MAN2A1: variants seen among roughly 807,000 people sequenced by gnomAD.
The protein encoded by MAN2A1 is mannosidase alpha class 2A member 1.
A neutral mutation model predicts 142.6 loss-of-function variants in MAN2A1; 76 were observed. That is an observed-to-expected ratio of 0.53 (90% CI 0.44 to 0.65). The LOEUF is 0.65. Among genes scored for constraint, MAN2A1 ranks in the 30% least tolerant of loss-of-function variants. The pLI is 0.00. For missense variants in MAN2A1, 1,311 were observed against 1,365.1 expected (o/e 0.96, Z 0.62); for synonymous variants, 559 against 473.2 (o/e 1.18, Z -2.35).
At chr5:109,693,090 T>C (rs1245788331) in intron 1 of MAN2A1, among the ~76,000 whole-genome samples, 1 of 152,062 alleles carries the variant, frequency 6.6e-6, no homozygotes, top group African/African-American at 2.4e-5. Context: ...AGCATGTTGC[T>C]CTCTGGTACC....
intron 15 of MAN2A1, among the ~76,000 whole-genome samples, chr5:109,822,323 G>A (rs1413171916): frequency 6.6e-6 from 1 of 151,944 alleles, no homozygotes; most frequent in Non-Finnish European, 1.5e-5. Flanking sequence ...TTGATTGACT[G>A]TATTTATACT....
intron 13 of MAN2A1, 77 bp downstream of exon 13, chr5:109,817,515 G>C: frequency 5.0e-6 from 7 of 1,389,876 alleles, no homozygotes; most frequent in Non-Finnish European, 6.0e-6. Context: ...ATGTACAGTA[G>C]CCCCCATTTA....
intron 16 of MAN2A1, among the ~76,000 whole-genome samples, chr5:109,832,875 G>A (rs929920408): frequency 2.8e-4 from 41 of 146,300 alleles, no homozygotes; most frequent in Non-Finnish European, 4.0e-4. Context: ...CTTCCCAGAC[G>A]GGGCGGCTGC....
chr5:109,810,983 G>A (rs1036763117), intron 12 of MAN2A1, among the ~76,000 whole-genome samples: 1 of 103,192 alleles, frequency 9.7e-6, no homozygotes, highest in Non-Finnish European at 1.9e-5. Context: ...CACTTTACAA[G>A]TTTTACTATT....
chr5:109,743,942 C>G (rs1752335813), intron 4 of MAN2A1, among the ~76,000 whole-genome samples: 1 of 152,198 alleles, frequency 6.6e-6, no homozygotes, highest in Non-Finnish European at 1.5e-5. Context: ...CTGCTTCACA[C>G]TCTACTCAGG....
At chr5:109,709,570 T>TA (rs1245303111) in intron 1 of MAN2A1, among the ~76,000 whole-genome samples, 1 of 152,200 alleles carries the variant, frequency 6.6e-6, no homozygotes, top group Non-Finnish European at 1.5e-5. Context: ...GGCAAATAAT[T>TA]ATGTAATAAA....
chr5:109,701,947 C>A (rs868139897), intron 1 of MAN2A1, among the ~76,000 whole-genome samples: 2 of 152,080 alleles, frequency 1.3e-5, no homozygotes, highest in Admixed American at 6.5e-5. Context: ...ATCAAGTGGG[C>A]TGGAAAGCCA....
Position 109,820,421 on chromosome 5 carries a change from T to C in MAN2A1, c.2451+79T>C, listed in dbSNP as rs1754592757. ...TGAGGAAAAAGATAAGTGAGTGTCA[T>C]TATTTTATCATCTGTTGATTTATTA... On this transcript the variant is annotated intron_variant, in intron 15 of 21. Transcript: ENST00000261483. 3 of 1,349,342 alleles carry C rather than the reference T, an allele frequency of 2.2e-6. No individual in the cohort carries two copies. The East Asian group carries it at 7.1e-5, about 32-fold the overall frequency. The allele number at this position is 1,349,342 out of a possible 1,614,324, so 83.6% of individuals were successfully genotyped here.
intron 1 of MAN2A1, 65 bp from the exon 2 acceptor site, chr5:109,713,455 A>AT: frequency 1.5e-6 from 2 of 1,370,210 alleles, no homozygotes; most frequent in Non-Finnish European, 1.9e-6. Flanking sequence ...AAAAAAAAAA[A>AT]TGTGTATGCC....
At chr5:109,741,852 A>G (rs544146718) in intron 4 of MAN2A1, among the ~76,000 whole-genome samples, 1 of 152,254 alleles carries the variant, frequency 6.6e-6, no homozygotes, top group Non-Finnish European at 1.5e-5. Flanking sequence ...TTAATCAATT[A>G]TAATCATAGT....
At chr5:109,767,755 T>C in intron 6 of MAN2A1, 47 bp downstream of exon 6, 2 of 1,523,166 alleles carry the variant, frequency 1.3e-6, no homozygotes, top group South Asian at 1.2e-5. Flanking sequence ...CTAGATACTA[T>C]TTCACAAGGG....
chr5:109,788,993 T>C lies in MAN2A1; in HGVS notation c.1820T>C (p.Ile607Thr), dbSNP rs1753669673. 6.2e-7 allele frequency: 1 copy of C among 1,607,608 alleles called. No homozygotes were observed. Among genetic ancestry groups the C allele is most frequent in the Non-Finnish European group, 8.5e-7 (1 of 1,175,332 alleles). Reference protein sequence around the residue: ...KIIGNSAFLLILKDKLTYDSY... With the variant: ...KIIGNSAFLLTLKDKLTYDSY... ...ATTGGAAATTCTGCATTTCTTCTTA[T>C]TTTGAAGGACAAACTCACATACGAC... The change falls in exon 11 of 22, where the codon ATT becomes ACT. Residue 607 changes from isoleucine to threonine, a missense_variant. Ile to Thr is a moderately conservative substitution (Grantham distance 89). This residue lies in a region of MAN2A1 where 890 missense variants were observed against 920.5 expected (regional missense o/e 0.97). Coordinates refer to ENST00000261483, the MANE Select transcript of MAN2A1 (RefSeq NM_002372.4).
chr5:109,693,164 CA>C (rs1364424508), intron 1 of MAN2A1, among the ~76,000 whole-genome samples: 1 of 145,122 alleles, frequency 6.9e-6, no homozygotes, highest in Non-Finnish European at 1.5e-5. Flanking sequence ...TTTTCTGAAA[CA>C]TTTACTGCTA....
At chr5:109,855,356 A>T (rs746703967) in intron 20 of MAN2A1, 22 bp downstream of exon 20, 19 of 1,436,268 alleles carry the variant, frequency 1.3e-5, no homozygotes, top group Non-Finnish European at 1.8e-5. Flanking sequence ...AATATATCTT[A>T]TAAAAAATTA....
intron 4 of MAN2A1, among the ~76,000 whole-genome samples, chr5:109,731,742 T>C (rs1751919317): frequency 6.6e-6 from 1 of 152,020 alleles, no homozygotes; most frequent in South Asian, 2.1e-4. Flanking sequence ...GTGCCACATT[T>C]TCTTAATGCA....
intron 20 of MAN2A1, among the ~76,000 whole-genome samples, chr5:109,857,740 T>C (rs1000496566): frequency 8.5e-5 from 13 of 152,192 alleles, no homozygotes; most frequent in Non-Finnish European, 1.9e-4. Flanking sequence ...ACTTCTCAGA[T>C]GAAAAATCCC....
chr5:109,838,924 T>C (rs1755125565), intron 16 of MAN2A1, among the ~76,000 whole-genome samples: 1 of 152,194 alleles, frequency 6.6e-6, no homozygotes. Context: ...TGTGAAATTA[T>C]CATTTTTTCC....
At chr5:109,747,933 G>A (rs1752449196) in intron 4 of MAN2A1, among the ~76,000 whole-genome samples, 1 of 152,102 alleles carries the variant, frequency 6.6e-6, no homozygotes. Context: ...CTTATTTGCT[G>A]TTTTATTATT....
intron 13 of MAN2A1, among the ~76,000 whole-genome samples, chr5:109,818,737 A>G (rs1754539603): frequency 6.6e-6 from 1 of 152,226 alleles, no homozygotes; most frequent in Non-Finnish European, 1.5e-5. Flanking sequence ...GAGTACAGCC[A>G]AACAATTGAG....
Sources: allele counts gnomAD v4.1 joint callset (sites outside exome capture counted in the v4.1 genomes callset), GRCh38; gene constraint gnomAD v4.1.1; regional missense constraint gnomAD v4.1.1; transcripts MANE v1.5; gene names NCBI Gene and HGNC (gene_info 2026-07-23, HGNC 2026-07-21).